NPAS3: variants seen among roughly 807,000 people sequenced by gnomAD.
The protein encoded by NPAS3 is neuronal PAS domain protein 3.
A neutral mutation model predicts 73.1 loss-of-function variants in NPAS3; 14 were observed. The ratio of observed to expected loss-of-function variants is 0.19; its 90% CI spans 0.13 to 0.30. The LOEUF is 0.30. Ranked by LOEUF, NPAS3 falls within the 10% of genes least tolerant of loss-of-function variation. NPAS3 has a pLI of 1.00. For missense variants in NPAS3, 1,096 were observed against 1,250.0 expected (o/e 0.88, Z 1.86); for synonymous variants, 620 against 541.5 (o/e 1.14, Z -2.01).
At chr14:33,763,694 T>A (rs769598764) in intron 7 of NPAS3, among the ~76,000 whole-genome samples, 8 of 152,232 alleles carry the variant, frequency 5.3e-5, no homozygotes, top group Non-Finnish European at 1.0e-4. Context: ...CTTTCTTTCT[T>A]ACATATATTT....
intron 6 of NPAS3, among the ~76,000 whole-genome samples, chr14:33,691,432 G>A (rs7154361): frequency 0.71 from 107,625 of 152,088 alleles, 38,517 homozygotes; most frequent in African/African-American, 0.81. Context: ...AGTCAATTGC[G>A]TGTCATGCCT....
chr14:33,311,894 G>C (rs936702046), intron 3 of NPAS3, among the ~76,000 whole-genome samples: 2 of 152,138 alleles, frequency 1.3e-5, no homozygotes, highest in African/African-American at 4.8e-5. Context: ...GAGAGGAAAG[G>C]AAGGGTATGC....
At chr14:33,672,807 C>T (rs762132331) in intron 5 of NPAS3, among the ~76,000 whole-genome samples, 4 of 152,104 alleles carry the variant, frequency 2.6e-5, no homozygotes, top group African/African-American at 7.2e-5. Flanking sequence ...GCTGGGTAAA[C>T]TTGAACATGC....
intron 5 of NPAS3, among the ~76,000 whole-genome samples, chr14:33,631,644 CTT>C (rs1353181915): frequency 6.6e-6 from 1 of 152,216 alleles, no homozygotes; most frequent in African/African-American, 2.4e-5. Context: ...TATAGACTCT[CTT>C]TGGCGGTGCA....
intron 4 of NPAS3, among the ~76,000 whole-genome samples, chr14:33,380,042 G>A (rs2046476738): frequency 7.4e-6 from 1 of 134,476 alleles, no homozygotes; most frequent in African/African-American, 2.8e-5. Flanking sequence ...CAAAGTGGGG[G>A]GGAAAAAGAA....
intron 3 of NPAS3, among the ~76,000 whole-genome samples, chr14:33,337,335 T>C (rs1228912263): frequency 6.6e-6 from 1 of 152,076 alleles, no homozygotes; most frequent in Non-Finnish European, 1.5e-5. Flanking sequence ...TCCAGAAACA[T>C]TGTTGGAAAG....
exon 6 of NPAS3, chr14:33,676,328 G>T: frequency 6.2e-7 from 1 of 1,608,884 alleles, no homozygotes; most frequent in African/African-American, 1.3e-5. Flanking sequence ...ACAGGGCACT[G>T]CTGAGGACGG....
intron 4 of NPAS3, among the ~76,000 whole-genome samples, chr14:33,443,832 C>G (rs997040930): frequency 6.6e-6 from 1 of 152,142 alleles, no homozygotes; most frequent in African/African-American, 2.4e-5. Context: ...CTCTGGTCAC[C>G]AGCTGGAGCC....
chr14:33,327,668 TAGAC>T (rs2043772701), intron 3 of NPAS3, among the ~76,000 whole-genome samples: 2 of 152,138 alleles, frequency 1.3e-5, no homozygotes, highest in South Asian at 2.1e-4. Flanking sequence ...AGTTTCTTCA[TAGAC>T]AGGAGTAAAA....
At chr14:33,281,255 T>G (rs1381014691) in intron 3 of NPAS3, among the ~76,000 whole-genome samples, 1 of 152,242 alleles carries the variant, frequency 6.6e-6, no homozygotes, top group Non-Finnish European at 1.5e-5. Context: ...ATTTCTTAGA[T>G]TTCCTGATGG....
At chr14:32,994,069 G>A (rs2038451332) in intron 1 of NPAS3, among the ~76,000 whole-genome samples, 1 of 152,184 alleles carries the variant, frequency 6.6e-6, no homozygotes, top group Non-Finnish European at 1.5e-5. Flanking sequence ...ATCATCCTTT[G>A]AGTTTTGTAG....
chr14:33,412,113 T>C (rs1038476146), intron 4 of NPAS3, among the ~76,000 whole-genome samples: 7 of 148,976 alleles, frequency 4.7e-5, no homozygotes, highest in Non-Finnish European at 7.4e-5. Flanking sequence ...CATTGAAATA[T>C]GCTTTTTATT....
chr14:33,721,073 A>G (rs2061095290), intron 6 of NPAS3, among the ~76,000 whole-genome samples: 1 of 152,212 alleles, frequency 6.6e-6, no homozygotes, highest in South Asian at 2.1e-4. Context: ...TGTTATTTTT[A>G]TATTTTTGAA....
intron 5 of NPAS3, among the ~76,000 whole-genome samples, chr14:33,630,438 G>A (rs1348250768): frequency 6.6e-6 from 1 of 152,180 alleles, no homozygotes; most frequent in Non-Finnish European, 1.5e-5. Context: ...TTATCCCACT[G>A]AGATGTTTGA....
intron 1 of NPAS3, among the ~76,000 whole-genome samples, chr14:32,988,790 T>G (rs923349849): frequency 1.3e-5 from 2 of 152,234 alleles, no homozygotes; most frequent in African/African-American, 4.8e-5. Flanking sequence ...CAATACTTAA[T>G]TTATACCCCT....
chr14:33,593,158 G>A (rs868751710), intron 5 of NPAS3, among the ~76,000 whole-genome samples: 8 of 152,150 alleles, frequency 5.3e-5, no homozygotes, highest in South Asian at 2.1e-4. Flanking sequence ...CTCTGTATCA[G>A]GCATGGTACT....
chr14:33,335,616 C>A (rs943747267), intron 3 of NPAS3, among the ~76,000 whole-genome samples: 8 of 152,096 alleles, frequency 5.3e-5, no homozygotes, highest in Non-Finnish European at 1.0e-4. Flanking sequence ...GTTCCCAGGC[C>A]AGTTTGCATC....
At chr14:33,797,718 T>G in intron 11 of NPAS3, 137 bp downstream of exon 11, 2 of 821,058 alleles carry the variant, frequency 2.4e-6, no homozygotes, top group Non-Finnish European at 2.0e-6. Flanking sequence ...ATCAAGTTAT[T>G]ACTGAGTGTC....
chr14:32,993,215 G>A (rs935991699), intron 1 of NPAS3, among the ~76,000 whole-genome samples: 1 of 151,942 alleles, frequency 6.6e-6, no homozygotes, highest in Non-Finnish European at 1.5e-5. Flanking sequence ...TGATGTTGCT[G>A]TTAAAGTAAA....
Sources: gnomAD v4.1 joint callset for allele counts (sites outside exome capture counted in the v4.1 genomes callset) on GRCh38, gnomAD v4.1.1 for gene constraint, MANE v1.5 for transcripts, NCBI Gene and HGNC (gene_info 2026-07-23, HGNC 2026-07-21) for gene names.